UGT2B11: variants seen among roughly 807,000 people sequenced by gnomAD.
The protein encoded by UGT2B11 is UDP glucuronosyltransferase family 2 member B11, also known as UDP-glucuronosyltransferase 2B11.
Under a neutral mutation model 51.7 loss-of-function variants are expected in UGT2B11, and 49 were observed. The ratio of observed to expected loss-of-function variants is 0.95; its 90% CI spans 0.75 to 1.20. The LOEUF (loss-of-function observed/expected upper bound fraction) is 1.20. UGT2B11 is among the 50% of genes most tolerant of loss of function. UGT2B11 has a pLI of 0.00. For missense variants in UGT2B11, 810 were observed against 622.1 expected (o/e 1.30, Z -3.21); for synonymous variants, 273 against 209.0 (o/e 1.31, Z -2.64).
chr4:69,209,201 G>T (rs546970018), intron 2 of UGT2B11, among the ~76,000 whole-genome samples: 1 of 151,798 alleles, frequency 6.6e-6, no homozygotes, highest in East Asian at 2.0e-4. Flanking sequence ...AGAGTTTATA[G>T]TTAGTTGTTG....
the UGT2B11 span, among the ~76,000 whole-genome samples, chr4:69,219,913 C>A: frequency 6.6e-6 from 1 of 151,942 alleles, no homozygotes; most frequent in Non-Finnish European, 1.5e-5. Flanking sequence ...CAAAACCAAT[C>A]CTGCAGTTCC....
At chr4:69,220,398 C>T in the UGT2B11 span, among the ~76,000 whole-genome samples, 6 of 152,088 alleles carry the variant, frequency 3.9e-5, no homozygotes, top group South Asian at 1.0e-3. Context: ...GACGGTGGCC[C>T]ACTTCTCACG....
upstream of UGT2B11, chr4:69,215,727 A>C (rs1158113608): frequency 1.3e-5 from 2 of 152,088 alleles, no homozygotes; most frequent in East Asian, 3.9e-4. Context: ...ATAATTTTCT[A>C]TTCTCACCAA....
intron 2 of UGT2B11, chr4:69,211,215 A>G (rs773035585): frequency 6.6e-6 from 1 of 151,570 alleles, no homozygotes; most frequent in Non-Finnish European, 1.5e-5. Flanking sequence ...ATACTTTGTT[A>G]AAGTCAAGTG....
intron 3 of UGT2B11, 34 bp downstream of exon 3, chr4:69,208,317 C>A (rs200546144): frequency 3.1e-6 from 5 of 1,606,284 alleles, no homozygotes; most frequent in Non-Finnish European, 4.2e-6. Flanking sequence ...CCTCTTTCAG[C>A]AGTTTTCCAC....
chr4:69,221,005 G>A, the UGT2B11 span, among the ~76,000 whole-genome samples: 1 of 152,176 alleles, frequency 6.6e-6, no homozygotes. Flanking sequence ...CCAGTCCCAA[G>A]CCTGCCTAGT....
Position 69,214,536 on chromosome 4 carries a change from G to T in UGT2B11, c.187C>A (p.Leu63Ile), listed in dbSNP as rs201055366. 1,197 of 1,613,178 alleles carry T rather than the reference G, an allele frequency of 7.4e-4. 5 individuals carry two copies. Among genetic ancestry groups the T allele is most frequent in the Non-Finnish European group, 3.9e-4 (461 of 1,179,482 alleles). Residue 63 changes from leucine to isoleucine, a missense_variant, in exon 1 of 6, where the codon CTT becomes ATT. Leu to Ile is a conservative substitution (Grantham distance 5). Transcript: ENST00000446444. ...GTGGATGCATCATTGGGATCAAAAA[G>T]AATGGAAGCTGAAGATGCCAGTACA... is the stretch of plus-strand genomic sequence containing the variant. ...VTVLASSASI[L>I]FDPNDASTLK...
At chr4:69,206,027 G>C (rs1721843127) in intron 3 of UGT2B11, among the ~76,000 whole-genome samples, 1 of 151,580 alleles carries the variant, frequency 6.6e-6, no homozygotes, top group Non-Finnish European at 1.5e-5. Context: ...CTGTTGGTTG[G>C]AATGTAAGTT....
At chr4:69,222,501 T>C in the UGT2B11 span, among the ~76,000 whole-genome samples, 2 of 152,192 alleles carry the variant, frequency 1.3e-5, no homozygotes, top group African/African-American at 4.8e-5. Flanking sequence ...AATGAGGGTC[T>C]ACACTGAGGA....
In UGT2B11 at chr4:69,206,675, A is replaced by C. The variant is rs574534797; in HGVS notation, c.1003-1108T>G. On this transcript the variant is annotated intron_variant, in intron 3 of 5. Transcript: ENST00000446444. ...TTAATTTAAAAAATAAAAATATTAC[A>C]AAAAAAGTGTAAAAAATTATATGGA... Among the ~76,000 whole-genome samples, 6 of 151,708 alleles carry C rather than the reference A, an allele frequency of 4.0e-5. No individual in the cohort carries two copies. The South Asian group carries it at 1.0e-3, about 26-fold the overall frequency.
At chr4:69,207,261 A>C (rs1577962423) in intron 3 of UGT2B11, among the ~76,000 whole-genome samples, 1 of 151,670 alleles carries the variant, frequency 6.6e-6, no homozygotes, top group East Asian at 1.9e-4. Context: ...TTAAGTTACT[A>C]ATTTTGAAAC....
At chr4:69,216,502 C>T (rs886565377), upstream of UGT2B11, 1 of 151,494 alleles carries the variant, frequency 6.6e-6, no homozygotes, top group Admixed American at 6.6e-5. Flanking sequence ...GTGTTCTGAG[C>T]AAGTTCATCA....
At chr4:69,215,433 G>A (rs1722239790), upstream of UGT2B11, 1 of 151,918 alleles carries the variant, frequency 6.6e-6, no homozygotes, top group South Asian at 2.1e-4. Flanking sequence ...GTTTTTAAAG[G>A]ACCATCCGTA....
chr4:69,216,963 G>C (rs1722289863), upstream of UGT2B11, among the ~76,000 whole-genome samples: 1 of 151,950 alleles, frequency 6.6e-6, no homozygotes, highest in Admixed American at 6.6e-5. Context: ...TTTTCTCTAT[G>C]TATTTTCACA....
At chr4:69,209,579 A>G (rs576047658) in intron 2 of UGT2B11, among the ~76,000 whole-genome samples, 15 of 151,190 alleles carry the variant, frequency 9.9e-5, no homozygotes, top group African/African-American at 3.6e-4. Context: ...AAAACAAAGA[A>G]AAAAACGTCT....
the UGT2B11 span, among the ~76,000 whole-genome samples, chr4:69,221,972 C>A: frequency 4.9e-4 from 75 of 152,370 alleles, no homozygotes; most frequent in South Asian, 1.0e-3. Flanking sequence ...TTGTTGAACA[C>A]TCTTTCTTAA....
At chr4:69,219,768 T>G in the UGT2B11 span, among the ~76,000 whole-genome samples, 1 of 152,132 alleles carries the variant, frequency 6.6e-6, no homozygotes, top group African/African-American at 2.4e-5. Flanking sequence ...AATGATTCAA[T>G]TACCTCTCAC....
intron 1 of UGT2B11, among the ~76,000 whole-genome samples, chr4:69,213,236 T>C (rs761445523): frequency 4.6e-5 from 7 of 151,758 alleles, no homozygotes; most frequent in Non-Finnish European, 8.9e-5. Flanking sequence ...TGAGCTAAGA[T>C]CTTAATAATA....
chr4:69,214,741 T>C lies in UGT2B11; in HGVS notation c.-19A>G. The C allele has an allele frequency of 1.9e-6, 3 of 1,605,172 alleles. No homozygotes were observed. Among genetic ancestry groups the C allele is most frequent in the African/African-American group, 1.3e-5 (1 of 74,494 alleles). On this transcript the variant is annotated 5_prime_UTR_variant, in exon 1 of 6. An upstream start codon of the reference 5' UTR is lost. Coordinates refer to ENST00000446444, the MANE Select transcript of UGT2B11 (RefSeq NM_001073.3). ...GAGTCATCCTGGTGCAATGCGATCATTCTTTTCCAGTCACTGTTTCTTTCT... is the reference window on the plus strand; with the variant it reads ...GAGTCATCCTGGTGCAATGCGATCACTCTTTTCCAGTCACTGTTTCTTTCT...
Sources: gnomAD v4.1 joint callset for allele counts (sites outside exome capture counted in the v4.1 genomes callset) on GRCh38, gnomAD v4.1.1 for gene constraint, MANE v1.5 for transcripts, NCBI Gene and HGNC (gene_info 2026-07-23, HGNC 2026-07-21) for gene names.